ASRGL1: variants seen among roughly 807,000 people sequenced by gnomAD.
ASRGL1 encodes the protein asparaginase and isoaspartyl peptidase 1.
A neutral mutation model predicts 22.4 loss-of-function variants in ASRGL1; 16 were observed. The ratio of observed to expected loss-of-function variants is 0.71; its 90% CI spans 0.48 to 1.08. The LOEUF (loss-of-function observed/expected upper bound fraction) is 1.08. ASRGL1 is among the 50% of genes least tolerant of loss of function. ASRGL1 has a pLI of 0.00. For synonymous variants in ASRGL1, 165 were observed against 159.3 expected, an observed-to-expected ratio of 1.04 and a Z score of -0.27; for missense variants, 412 against 410.1, an observed-to-expected ratio of 1.00 and a Z score of -0.04.
intron 4 of ASRGL1, 23 bp from the exon 5 acceptor site, chr11:62,389,110 T>C (rs1022539331): frequency 1.9e-6 from 3 of 1,587,162 alleles, no homozygotes; most frequent in African/African-American, 2.7e-5. Flanking sequence ...GCCTGTCACT[T>C]TTTTTCTGTT....
intron 4 of ASRGL1, among the ~76,000 whole-genome samples, chr11:62,366,348 C>A (rs1946610426): frequency 6.9e-6 from 1 of 144,486 alleles, no homozygotes; most frequent in African/African-American, 2.5e-5. Flanking sequence ...ACCACAGTAA[C>A]AGGATAGAAC....
intron 4 of ASRGL1, among the ~76,000 whole-genome samples, chr11:62,381,413 C>A (rs565808477): frequency 1.6e-4 from 24 of 152,290 alleles, no homozygotes; most frequent in African/African-American, 5.1e-4. Context: ...TTTGAACTTT[C>A]CATTCCTTTC....
At chr11:62,362,631 A>ATATATATAATATATAATATATAT (rs1946488206) in intron 4 of ASRGL1, among the ~76,000 whole-genome samples, 1 of 49,788 alleles carries the variant, frequency 2.0e-5, no homozygotes, top group South Asian at 3.9e-4. Context: ...ATTATATAAA[A>ATATATATAATATATAATATATAT]TATATATAAT....
chr11:62,342,727 C>T (rs1945896628), intron 2 of ASRGL1, among the ~76,000 whole-genome samples: 1 of 151,792 alleles, frequency 6.6e-6, no homozygotes, highest in Non-Finnish European at 1.5e-5. Context: ...CACTGCACTC[C>T]TGCCTGAGCA....
chr11:62,364,813 A>C (rs1027615687), intron 4 of ASRGL1, among the ~76,000 whole-genome samples: 7 of 152,290 alleles, frequency 4.6e-5, no homozygotes, highest in African/African-American at 1.7e-4. Flanking sequence ...TCACGCCTGT[A>C]ATCTCAGCAC....
chr11:62,372,571 G>A (rs1341286978), intron 4 of ASRGL1: 1 of 892,726 alleles, frequency 1.1e-6, no homozygotes, highest in East Asian at 2.4e-5. Flanking sequence ...GAAGACAAAA[G>A]ACAGATTCTG....
downstream of ASRGL1, among the ~76,000 whole-genome samples, chr11:62,393,615 T>C (rs1021022115): frequency 6.6e-6 from 1 of 152,042 alleles, no homozygotes; most frequent in African/African-American, 2.4e-5. Context: ...ATGATAGGGT[T>C]TATGGCGCAG....
Position 62,349,115 on chromosome 11 carries a change from T to C in ASRGL1, c.191-7210T>C, listed in dbSNP as rs369509723. Among the ~76,000 whole-genome samples the C allele has an allele frequency of 1.8e-3, 273 of 152,184 alleles. 8 individuals carry two copies. In the South Asian group the frequency reaches 0.046, roughly 26 times the overall value. ...TCCTGAGTCGCTGGGATTACAGGCA[T>C]GCACCACCACACCCAACTAATTTTT... On this transcript the variant is annotated intron_variant, in intron 2 of 6. Transcript: ENST00000415229.
At chr11:62,370,023 A>G (rs551916120) in intron 4 of ASRGL1, among the ~76,000 whole-genome samples, 29 of 152,294 alleles carry the variant, frequency 1.9e-4, no homozygotes, top group Admixed American at 7.2e-4. Flanking sequence ...TCTGAACAGA[A>G]GAGTACAATG....
At chr11:62,338,552 T>A (rs1473173391) in intron 2 of ASRGL1, among the ~76,000 whole-genome samples, 1 of 152,192 alleles carries the variant, frequency 6.6e-6, no homozygotes, top group African/African-American at 2.4e-5. Flanking sequence ...GATTTTCTGA[T>A]GAACAATTGA....
At chr11:62,400,204 C>A in the ASRGL1 span, among the ~76,000 whole-genome samples, 1 of 152,196 alleles carries the variant, frequency 6.6e-6, no homozygotes, top group Non-Finnish European at 1.5e-5. Context: ...CCTTTGCACA[C>A]CCAATTCCCT....
chr11:62,391,879 G>A, intron 6 of ASRGL1, 200 bp from the exon 7 acceptor site: 1 of 742,220 alleles, frequency 1.3e-6, no homozygotes, highest in Non-Finnish European at 2.2e-6. Context: ...CCTGGATGTG[G>A]GAGGGAAGAC....
intron 2 of ASRGL1, among the ~76,000 whole-genome samples, chr11:62,351,481 C>T (rs1213620815): frequency 2.0e-5 from 3 of 152,026 alleles, no homozygotes; most frequent in African/African-American, 7.2e-5. Flanking sequence ...GAAACGCCGT[C>T]CCTACTAAAA....
intron 4 of ASRGL1, among the ~76,000 whole-genome samples, chr11:62,364,803 T>G (rs1946569482): frequency 6.6e-6 from 1 of 152,180 alleles, no homozygotes; most frequent in Admixed American, 6.5e-5. Flanking sequence ...TGGTGGTGGC[T>G]CACGCCTGTA....
chr11:62,373,622 G>A lies in ASRGL1; in HGVS notation c.492-15511G>A, dbSNP rs113094467. On this transcript the variant is annotated intron_variant, in intron 4 of 6. Transcript: ENST00000415229. ...GAACCGGCAGCAGCTAGGCGAAGTC[G>A]CCGGCCCACCTCCATCCAAAATCAT... 9.8e-3 allele frequency among the ~76,000 whole-genome samples: 1,490 copies of A among 152,360 alleles called. 33 individuals carry two copies. The highest frequency in any genetic ancestry group is 0.031 in the African/African-American group (1,295 of 41,580).
At chr11:62,399,848 C>T in the ASRGL1 span, among the ~76,000 whole-genome samples, 2 of 152,180 alleles carry the variant, frequency 1.3e-5, no homozygotes, top group Admixed American at 1.3e-4. Context: ...TCTGAGACCC[C>T]ATACCACACA....
chr11:62,395,755 G>GTTT (rs1312205503), downstream of ASRGL1, among the ~76,000 whole-genome samples: 2 of 65,122 alleles, frequency 3.1e-5, no homozygotes, highest in Non-Finnish European at 3.5e-5. Context: ...TTTTGTAGCT[G>GTTT]TTTCTTTTTT....
intron 2 of ASRGL1, among the ~76,000 whole-genome samples, chr11:62,353,055 G>A (rs1373993345): frequency 6.6e-6 from 1 of 152,034 alleles, no homozygotes; most frequent in Non-Finnish European, 1.5e-5. Context: ...GGAGTCTGAT[G>A]ACTTGAATGT....
At chr11:62,362,776 ATTTT>A (rs1365781679) in intron 4 of ASRGL1, among the ~76,000 whole-genome samples, 1 of 107,478 alleles carries the variant, frequency 9.3e-6, no homozygotes, top group Non-Finnish European at 1.8e-5. Flanking sequence ...ATAAATTTAA[ATTTT>A]TTTTCTGGGA....
Sources: gnomAD v4.1 joint callset for allele counts (sites outside exome capture counted in the v4.1 genomes callset) on GRCh38, gnomAD v4.1.1 for gene constraint, MANE v1.5 for transcripts, NCBI Gene and HGNC (gene_info 2026-07-23, HGNC 2026-07-21) for gene names.